URI1: variants seen among roughly 807,000 people sequenced by gnomAD.
The protein encoded by URI1 is URI1 prefoldin like chaperone, also known as unconventional prefoldin RPB5 interactor 1.
URI1 carries 39 observed loss-of-function variants against 60.2 expected under a neutral mutation model. That is an observed-to-expected ratio of 0.65 (90% CI 0.50 to 0.85). The LOEUF (loss-of-function observed/expected upper bound fraction) is 0.85. URI1 is among the 40% of genes least tolerant of loss of function. URI1 has a pLI of 0.00. For synonymous variants in URI1, 251 were observed against 236.8 expected, an observed-to-expected ratio of 1.06 and a Z score of -0.55; for missense variants, 691 against 665.9, an observed-to-expected ratio of 1.04 and a Z score of -0.42.
rs1412792019 is a variant in URI1 at position 29,942,309 on chromosome 19, A to G, written c.-239A>G. 3.0e-6 allele frequency: 3 copies of G among 985,114 alleles called. No individual in the cohort carries two copies. Among genetic ancestry groups the G allele is most frequent in the African/African-American group, 3.5e-5 (2 of 57,084 alleles). The allele number at this position is 985,114 out of a possible 1,614,324, so 61.0% of individuals were successfully genotyped here. On this transcript the variant is annotated 5_prime_UTR_variant, in exon 1 of 11. Transcript: ENST00000392271. ...CCGGAGAGGCGTCTCGGTACCTGGC[A>G]GGCGGCCTGCTACTCGGAGCCCGCT...
chr19:29,972,982 A>G (rs1323733244), intron 2 of URI1, among the ~76,000 whole-genome samples: 2 of 152,112 alleles, frequency 1.3e-5, no homozygotes, highest in African/African-American at 2.4e-5. Context: ...GGTTTGGTTC[A>G]GGAAACAGAC....
intron 1 of URI1, chr19:29,956,749 C>G: frequency 6.3e-7 from 1 of 1,583,648 alleles, no homozygotes; most frequent in South Asian, 1.1e-5. Flanking sequence ...CACCCTTGAT[C>G]ATGTTCTGTA....
chr19:29,972,175 A>G (rs1245855134), intron 2 of URI1, among the ~76,000 whole-genome samples: 2 of 152,130 alleles, frequency 1.3e-5, no homozygotes, highest in Admixed American at 1.3e-4. Flanking sequence ...CAATCTGTAC[A>G]CATCATCTTA....
Position 29,985,224 on chromosome 19 carries a change from A to C in URI1, c.154A>C (p.Lys52Gln), listed in dbSNP as rs747510327. Reference sequence around the variant, plus strand: ...GTATTTGGTGTTTTCTGTCAACAGGAAGAAGGTAGATAATGACTATAATGC... The same window carrying C: ...GTATTTGGTGTTTTCTGTCAACAGGCAGAAGGTAGATAATGACTATAATGC... ...TNCQERIQHW[K>Q]KVDNDYNALR... Residue 52 changes from lysine to glutamine, a missense_variant and splice_region_variant, in exon 3 of 11, where the codon AAG becomes CAG. Coordinates refer to ENST00000392271, the MANE Select transcript of URI1 (RefSeq NM_003796.3). The C allele has an allele frequency of 1.3e-6, 2 of 1,575,136 alleles. No homozygotes were observed. Among genetic ancestry groups the C allele is most frequent in the South Asian group, 2.3e-5 (2 of 87,848 alleles).
intron 1 of URI1, among the ~76,000 whole-genome samples, chr19:29,962,712 T>C (rs1397142481): frequency 2.6e-5 from 4 of 152,102 alleles, no homozygotes; most frequent in Non-Finnish European, 4.4e-5. Context: ...CACACTTATT[T>C]AATAACAATA....
At chr19:29,939,111 G>A (rs1212445401), upstream of URI1, among the ~76,000 whole-genome samples, 1 of 151,832 alleles carries the variant, frequency 6.6e-6, no homozygotes, top group Non-Finnish European at 1.5e-5. Flanking sequence ...CCCAGTAGCT[G>A]GGATTACAGG....
intron 2 of URI1, among the ~76,000 whole-genome samples, chr19:29,977,719 C>T (rs2055543025): frequency 2.0e-5 from 3 of 151,282 alleles, no homozygotes; most frequent in Admixed American, 2.0e-4. Context: ...TAAGTTTCTG[C>T]ACAGTTTTAA....
At chr19:29,982,187 T>A (rs1412491497) in intron 2 of URI1, among the ~76,000 whole-genome samples, 1 of 152,222 alleles carries the variant, frequency 6.6e-6, no homozygotes, top group African/African-American at 2.4e-5. Flanking sequence ...TTAAGTGATC[T>A]TCTACTTTTG....
intron 2 of URI1, among the ~76,000 whole-genome samples, chr19:29,973,140 C>T (rs1470858261): frequency 1.3e-5 from 2 of 152,042 alleles, no homozygotes; most frequent in African/African-American, 2.4e-5. Flanking sequence ...TTGGGAGAGT[C>T]GTGGAATTCT....
chr19:29,979,096 A>C (rs7255236), intron 2 of URI1, among the ~76,000 whole-genome samples: 118,593 of 152,044 alleles, frequency 0.78, 48,487 homozygotes, highest in Non-Finnish European at 0.9. Flanking sequence ...AATATGCTTT[A>C]GAAAGAAAAT....
At chr19:29,923,770 A>T in intron 1 of URI1, 2 of 1,536,116 alleles carry the variant, frequency 1.3e-6, no homozygotes, top group Non-Finnish European at 1.7e-6. Flanking sequence ...TTGAAGCTTG[A>T]CAGTGTTATA....
intron 4 of URI1, 56 bp downstream of exon 4, chr19:29,986,473 T>G: frequency 1.3e-6 from 2 of 1,564,096 alleles, no homozygotes; most frequent in Non-Finnish European, 1.7e-6. Flanking sequence ...ATTCACAGAT[T>G]GCCAAGCTGA....
intron 8 of URI1, among the ~76,000 whole-genome samples, chr19:30,010,393 G>A (rs1008698951): frequency 5.3e-5 from 8 of 152,188 alleles, no homozygotes; most frequent in Admixed American, 3.3e-4. Flanking sequence ...CTGATTCTTC[G>A]GGAAAAGTTG....
upstream of URI1, among the ~76,000 whole-genome samples, chr19:29,939,875 G>A (rs190675821): frequency 5.6e-4 from 85 of 152,244 alleles, no homozygotes; most frequent in African/African-American, 2.0e-3. Context: ...GGTTGGAGGT[G>A]GGGAAGGTGG....
chr19:29,928,057 C>T (rs1354016992), intron 1 of URI1, among the ~76,000 whole-genome samples: 2 of 152,086 alleles, frequency 1.3e-5, no homozygotes, highest in African/African-American at 2.4e-5. Context: ...GGCAAGGCCA[C>T]ATACAGGTGA....
chr19:30,001,791 G>A (rs1346766015), intron 4 of URI1, among the ~76,000 whole-genome samples: 2 of 151,854 alleles, frequency 1.3e-5, no homozygotes, highest in Non-Finnish European at 1.5e-5. Flanking sequence ...GACATTTCTT[G>A]TCTATTTTCT....
At chr19:29,980,125 C>A (rs2145354785) in intron 2 of URI1, 1 of 152,214 alleles carries the variant, frequency 6.6e-6, no homozygotes. Context: ...AATCCATGCC[C>A]AAACTTAATA....
At chr19:30,003,589 A>G (rs1272462352) in intron 4 of URI1, among the ~76,000 whole-genome samples, 1 of 152,088 alleles carries the variant, frequency 6.6e-6, no homozygotes, top group African/African-American at 2.4e-5. Context: ...CTTAAATGGA[A>G]TATTCACACA....
chr19:29,952,795 A>G (rs1320624097), intron 1 of URI1, among the ~76,000 whole-genome samples: 1 of 152,202 alleles, frequency 6.6e-6, no homozygotes, highest in African/African-American at 2.4e-5. Flanking sequence ...TTAGGTAACC[A>G]TCACTATTCT....
Sources: gnomAD v4.1 joint callset for allele counts (sites outside exome capture counted in the v4.1 genomes callset) on GRCh38, gnomAD v4.1.1 for gene constraint, MANE v1.5 for transcripts, NCBI Gene and HGNC (gene_info 2026-07-23, HGNC 2026-07-21) for gene names.